PRLR: variants seen among roughly 807,000 people sequenced by gnomAD.
The protein encoded by PRLR is hPRL receptor.
PRLR carries 13 observed loss-of-function variants against 40.2 expected under a neutral mutation model. That is an observed-to-expected ratio of 0.32 (90% CI 0.21 to 0.51). The LOEUF is 0.51. Among genes scored for constraint, PRLR ranks in the 20% least tolerant of loss-of-function variants. The pLI is 0.97. For missense variants in PRLR, 656 were observed against 747.3 expected (o/e 0.88, Z 1.42); for synonymous variants, 269 against 278.7 (o/e 0.97, Z 0.35).
At chr5:35,217,031 C>G (rs1015795238) in intron 1 of PRLR, among the ~76,000 whole-genome samples, 4 of 152,194 alleles carry the variant, frequency 2.6e-5, no homozygotes, top group African/African-American at 9.7e-5. Flanking sequence ...TGCCTTCCCT[C>G]ATCCTCTTCC....
intron 2 of PRLR, among the ~76,000 whole-genome samples, chr5:35,092,795 T>G (rs1037498663): frequency 6.6e-6 from 1 of 152,208 alleles, no homozygotes; most frequent in South Asian, 2.1e-4. Flanking sequence ...TGGTTTTGAC[T>G]GAGGGTTAAA....
At chr5:35,166,148 T>C (rs1470934134) in intron 1 of PRLR, among the ~76,000 whole-genome samples, 1 of 152,184 alleles carries the variant, frequency 6.6e-6, no homozygotes, top group African/African-American at 2.4e-5. Context: ...CACTTTAAGA[T>C]TGAGTCCTCC....
Position 35,121,043 on chromosome 5 carries a change from G to T in PRLR, c.-105-2921C>A, listed in dbSNP as rs556415577. Reference sequence around the variant, plus strand: ...CTTTGCTGACCTCTGATAGAAGAGTGCAAAATGAATTTATTCTAGAGGTGC... The same window carrying T: ...CTTTGCTGACCTCTGATAGAAGAGTTCAAAATGAATTTATTCTAGAGGTGC... On this transcript the variant is annotated intron_variant, in intron 1 of 9. Transcript: ENST00000618457. 1.4e-4 allele frequency among the ~76,000 whole-genome samples: 22 copies of T among 152,280 alleles called. No individual in the cohort carries two copies. In the East Asian group the frequency reaches 4.2e-3, roughly 29 times the overall value.
chr5:35,190,583 A>C (rs1775573346), intron 1 of PRLR, among the ~76,000 whole-genome samples: 1 of 151,828 alleles, frequency 6.6e-6, no homozygotes, highest in African/African-American at 2.4e-5. Context: ...ACTGCACTCC[A>C]GCATGGGTGA....
At chr5:35,212,467 T>C (rs992983063) in intron 1 of PRLR, among the ~76,000 whole-genome samples, 20 of 152,366 alleles carry the variant, frequency 1.3e-4, no homozygotes, top group Admixed American at 4.6e-4. Context: ...TTTTAGAACA[T>C]AATACCATAC....
At chr5:35,172,555 G>T (rs964700910) in intron 1 of PRLR, among the ~76,000 whole-genome samples, 1 of 152,174 alleles carries the variant, frequency 6.6e-6, no homozygotes, top group Non-Finnish European at 1.5e-5. Flanking sequence ...CTCTGGAACC[G>T]TACAGTTGCT....
chr5:35,208,403 T>C (rs1045757029), intron 1 of PRLR, among the ~76,000 whole-genome samples: 3 of 152,212 alleles, frequency 2.0e-5, no homozygotes, highest in African/African-American at 7.2e-5. Flanking sequence ...CTTGCATAGC[T>C]TGTAGTATAC....
At chr5:35,187,147 T>A (rs553329737) in intron 1 of PRLR, among the ~76,000 whole-genome samples, 1 of 152,272 alleles carries the variant, frequency 6.6e-6, no homozygotes, top group East Asian at 1.9e-4. Context: ...ACACCTGTGA[T>A]CCCAGCACTT....
chr5:35,220,137 G>A (rs1776379876), intron 1 of PRLR, among the ~76,000 whole-genome samples: 1 of 152,092 alleles, frequency 6.6e-6, no homozygotes, highest in Non-Finnish European at 1.5e-5. Context: ...GCTCTCAAAG[G>A]CAATGCCAAC....
Position 35,059,904 on chromosome 5 carries a change from G to T in PRLR, c.*5185C>A, listed in dbSNP as rs1445085483. The T allele has an allele frequency of 6.6e-6, 1 of 152,202 alleles. No individual in the cohort carries two copies. Among genetic ancestry groups the T allele is most frequent in the Non-Finnish European group, 1.5e-5 (1 of 68,102 alleles). The allele number at this position is 152,202 out of a possible 1,614,324, so 9.4% of individuals were successfully genotyped here. ...GCTGGAGTGCAGTGACACAATCACG[G>T]TTCACTGCAGCCTCGACCTCCTGGG... On this transcript the variant is annotated 3_prime_UTR_variant, in exon 10 of 10. Coordinates refer to ENST00000618457, the MANE Select transcript of PRLR (RefSeq NM_000949.7).
intron 2 of PRLR, among the ~76,000 whole-genome samples, chr5:35,098,968 C>G (rs953207446): frequency 4.6e-5 from 7 of 152,178 alleles, no homozygotes; most frequent in Non-Finnish European, 8.8e-5. Flanking sequence ...ATGGGCACAA[C>G]TGAGAACACT....
intron 1 of PRLR, among the ~76,000 whole-genome samples, chr5:35,140,447 C>A (rs993405445): frequency 6.6e-6 from 1 of 152,206 alleles, no homozygotes; most frequent in South Asian, 2.1e-4. Flanking sequence ...ATAAATCATT[C>A]ATTCCTGAGA....
chr5:35,174,962 A>G (rs1015373552), intron 1 of PRLR, among the ~76,000 whole-genome samples: 1 of 152,238 alleles, frequency 6.6e-6, no homozygotes, highest in Non-Finnish European at 1.5e-5. Context: ...TGCTCAGATC[A>G]TGTTAGGTAT....
intron 5 of PRLR, among the ~76,000 whole-genome samples, chr5:35,080,724 C>T (rs989636402): frequency 5.3e-5 from 8 of 152,100 alleles, no homozygotes; most frequent in Admixed American, 4.6e-4. Flanking sequence ...ATAATGCTGC[C>T]ATAAAGACAC....
chr5:35,169,082 C>A (rs1168090691), intron 1 of PRLR, among the ~76,000 whole-genome samples: 1 of 152,106 alleles, frequency 6.6e-6, no homozygotes, highest in Admixed American at 6.6e-5. Context: ...AGCATTGCAG[C>A]TAATTAGTTT....
chr5:35,207,822 C>T (rs1456522813), intron 1 of PRLR, among the ~76,000 whole-genome samples: 1 of 151,986 alleles, frequency 6.6e-6, no homozygotes, highest in African/African-American at 2.4e-5. Flanking sequence ...TTAGAGTTTA[C>T]TTGGGAGGAC....
chr5:35,091,580 G>C (rs1771213396), intron 2 of PRLR, among the ~76,000 whole-genome samples: 1 of 152,204 alleles, frequency 6.6e-6, no homozygotes, highest in Non-Finnish European at 1.5e-5. Flanking sequence ...TGGAAAGTCT[G>C]TGATGGGGGT....
chr5:35,096,709 C>T (rs988224768), intron 2 of PRLR, among the ~76,000 whole-genome samples: 4 of 152,052 alleles, frequency 2.6e-5, no homozygotes, highest in African/African-American at 7.2e-5. Context: ...CAGCCTCTGC[C>T]TCCCAGGTTC....
intron 3 of PRLR, among the ~76,000 whole-genome samples, chr5:35,086,674 C>T (rs1368455466): frequency 6.6e-6 from 1 of 152,096 alleles, no homozygotes; most frequent in African/African-American, 2.4e-5. Flanking sequence ...GCAAGATAGA[C>T]ACATATTGGT....
Sources: allele counts gnomAD v4.1 joint callset (sites outside exome capture counted in the v4.1 genomes callset), GRCh38; gene constraint gnomAD v4.1.1; transcripts MANE v1.5; gene names NCBI Gene and HGNC (gene_info 2026-07-23, HGNC 2026-07-21).